The following CNIH4 variants were observed in gnomAD, a reference collection of about 807,000 sequenced individuals.
CNIH4 encodes the protein protein cornichon homolog 4.
Under a neutral mutation model 21.5 loss-of-function variants are expected in CNIH4, and 9 were observed. That is an observed-to-expected ratio of 0.42 (90% CI 0.25 to 0.73). The LOEUF is 0.73. Ranked by LOEUF, CNIH4 falls within the 30% of genes least tolerant of loss-of-function variation. CNIH4 has a pLI of 0.27. For missense variants in CNIH4, 159 were observed against 170.0 expected, an observed-to-expected ratio of 0.94 and a Z score of 0.36; for synonymous variants, 67 against 59.1, an observed-to-expected ratio of 1.13 and a Z score of -0.61.
chr1:224,363,078 CTTG>C (rs1305738506), intron 2 of CNIH4, among the ~76,000 whole-genome samples: 1 of 151,320 alleles, frequency 6.6e-6, no homozygotes, highest in African/African-American at 2.4e-5. Context: ...GAGTTTTGCA[CTTG>C]TTGTCTAGGC....
chr1:224,379,168 C>T lies in CNIH4; in HGVS notation c.*3346C>T. ...CAGTTCATCAAAGCCTAGCAGGTCC[C>T]CTCAGCTGCCTTTTCATGCCTGCCA... On this transcript the variant is annotated 3_prime_UTR_variant, in exon 5 of 5. Transcript: ENST00000465271. The T allele has an allele frequency of 6.9e-7, 1 of 1,449,658 alleles. No homozygotes were observed. The highest frequency in any genetic ancestry group is 9.5e-7 in the Non-Finnish European group (1 of 1,055,432). The allele number at this position is 1,449,658 out of a possible 1,614,324, so 89.8% of individuals were successfully genotyped here. A position where few individuals can be genotyped will look rare whatever the true frequency, so the allele number is the denominator to read the frequency against.
In CNIH4 at chr1:224,376,700, T is replaced by A. The variant is rs748719936; in HGVS notation, c.*878T>A. 1.1e-5 allele frequency: 11 copies of A among 985,330 alleles called. No individual in the cohort carries two copies. The East Asian group carries it at 9.1e-4, about 81-fold the overall frequency. 61.0% of individuals were successfully genotyped at this position (985,330 alleles called of 1,614,324 possible). ...GGTGCCAGATCAACACTTCTATCCC[T>A]CTGCACTGACCACGTTGTGAACTGG... On this transcript the variant is annotated 3_prime_UTR_variant, in exon 5 of 5. Coordinates refer to ENST00000465271, the MANE Select transcript of CNIH4 (RefSeq NM_014184.4).
rs990470099 is a variant in CNIH4, at chr1:224,357,005, T to C, written c.69+12T>C. The stretch of plus-strand genomic sequence containing the variant: ...TCTCGGTCTACTTCGTATCCTTGCC[T>C]GAGGCAGGCGAACGCCTTGCCGGGG... On this transcript the variant is annotated intron_variant, in intron 1 of 4. Coordinates refer to ENST00000465271, the MANE Select transcript of CNIH4 (RefSeq NM_014184.4). 5.6e-6 allele frequency: 9 copies of C among 1,604,992 alleles called. No homozygotes were observed. Among genetic ancestry groups the C allele is most frequent in the Non-Finnish European group, 7.7e-6 (9 of 1,175,956 alleles).
At chr1:224,374,420 T>C (rs1275601407) in intron 4 of CNIH4, among the ~76,000 whole-genome samples, 2 of 145,426 alleles carry the variant, frequency 1.4e-5, no homozygotes, top group Non-Finnish European at 3.0e-5. Context: ...TTTCTTTTTT[T>C]TTTTTCTTTT....
intron 1 of CNIH4, among the ~76,000 whole-genome samples, chr1:224,359,350 G>A (rs758946346): frequency 1.1e-4 from 17 of 152,176 alleles, no homozygotes; most frequent in Non-Finnish European, 2.9e-5. Flanking sequence ...ATTTCAAATA[G>A]AGTGCTGGTT....
chr1:224,360,405 A>G (rs895546658), intron 1 of CNIH4, 90 bp from the exon 2 acceptor site: 18 of 632,120 alleles, frequency 2.8e-5, no homozygotes, highest in Non-Finnish European at 4.4e-5. Flanking sequence ...AGTCAAATCT[A>G]ATTCTGCCTT....
chr1:224,357,017 A>G, intron 1 of CNIH4, 24 bp downstream of exon 1: 1 of 1,598,576 alleles, frequency 6.3e-7, no homozygotes, highest in Non-Finnish European at 8.5e-7. Flanking sequence ...AGGCAGGCGA[A>G]CGCCTTGCCG....
In CNIH4 at chr1:224,375,868, G is replaced by A. The variant is rs1398970487; in HGVS notation, c.*46G>A. 1 of 1,609,390 alleles carries A rather than the reference G, an allele frequency of 6.2e-7. No individual in the cohort carries two copies. The highest frequency in any genetic ancestry group is 8.5e-7 in the Non-Finnish European group (1 of 1,177,548). On this transcript the variant is annotated 3_prime_UTR_variant, in exon 5 of 5. Transcript: ENST00000465271. ...AAGTCAGCCTACACTACAGTGCACA[G>A]TTGAGGAGCCAGAGACTTCTTAAAT... is the stretch of plus-strand genomic sequence containing the variant.
At chr1:224,361,157 C>A (rs143292442) in intron 2 of CNIH4, among the ~76,000 whole-genome samples, 2,131 of 148,556 alleles carry the variant, frequency 0.014, 58 homozygotes, top group African/African-American at 0.05. Flanking sequence ...ACTCTGTCAC[C>A]CAGGCCGGAG....
intron 3 of CNIH4, among the ~76,000 whole-genome samples, chr1:224,369,617 G>A (rs750727096): frequency 6.6e-6 from 1 of 151,124 alleles, no homozygotes; most frequent in Non-Finnish European, 1.5e-5. Flanking sequence ...TAACTGGATC[G>A]TTTGTAACAC....
At position 224,379,065 on chromosome 1, in the gene CNIH4, TCA is replaced by T; in HGVS notation, c.*3244_*3245del. 1 of 1,550,602 alleles carries T rather than the reference TCA, an allele frequency of 6.4e-7. No individual in the cohort carries two copies. The highest frequency in any genetic ancestry group is 8.7e-7 in the Non-Finnish European group (1 of 1,146,986). On this transcript the variant is annotated 3_prime_UTR_variant, in exon 5 of 5. Coordinates refer to ENST00000465271, the MANE Select transcript of CNIH4 (RefSeq NM_014184.4). ...CCCTTGCCTTTTTCCTTCTATCCTT[TCA>T]GTGGTAGCAACTGCCCTTGCTAATC...
At chr1:224,362,241 C>T (rs150926356) in intron 2 of CNIH4, among the ~76,000 whole-genome samples, 1,581 of 151,164 alleles carry the variant, frequency 0.01, 25 homozygotes, top group African/African-American at 0.036. Context: ...CCACCACGCC[C>T]GGCTAATTTT....
chr1:224,376,737 C>T lies in CNIH4; in HGVS notation c.*915C>T. The T allele has an allele frequency of 1.0e-6, 1 of 985,464 alleles. No individual in the cohort carries two copies. Among genetic ancestry groups the T allele is most frequent in the Non-Finnish European group, 1.2e-6 (1 of 829,956 alleles). The allele number at this position is 985,464 out of a possible 1,614,324, so 61.0% of individuals were successfully genotyped here. A position where few individuals can be genotyped will look rare whatever the true frequency, so the allele number is the denominator to read the frequency against. ...ACGTTGTGAACTGGGAGACCAAATGCAAGCCATTTCATGGACATAGCAATA... is the reference window on the plus strand; with the variant it reads ...ACGTTGTGAACTGGGAGACCAAATGTAAGCCATTTCATGGACATAGCAATA... On this transcript the variant is annotated 3_prime_UTR_variant, in exon 5 of 5. Coordinates refer to ENST00000465271, the MANE Select transcript of CNIH4 (RefSeq NM_014184.4).
intron 2 of CNIH4, among the ~76,000 whole-genome samples, chr1:224,362,088 T>A (rs1672303796): frequency 6.6e-6 from 1 of 151,422 alleles, no homozygotes; most frequent in Admixed American, 6.6e-5. Context: ...CCATGCCATT[T>A]TTTTTTTTTT....
chr1:224,371,673 T>C (rs1672634336), intron 4 of CNIH4, among the ~76,000 whole-genome samples: 1 of 152,204 alleles, frequency 6.6e-6, no homozygotes, highest in Admixed American at 6.5e-5. Context: ...CAGGGCACGG[T>C]GACTTACGCC....
intron 2 of CNIH4, among the ~76,000 whole-genome samples, chr1:224,364,831 G>A (rs1043344026): frequency 1.3e-5 from 2 of 151,948 alleles, no homozygotes; most frequent in African/African-American, 4.8e-5. Context: ...TACTCGGGAG[G>A]TTGAGGCAAG....
chr1:224,375,990 T>G lies in CNIH4; in HGVS notation c.*168T>G, dbSNP rs560529661. The G allele has an allele frequency of 7.7e-7, 1 of 1,290,504 alleles. No homozygotes were observed. Among genetic ancestry groups the G allele is most frequent in the African/African-American group, 1.5e-5 (1 of 66,334 alleles). 79.9% of individuals were successfully genotyped at this position (1,290,504 alleles called of 1,614,324 possible). On this transcript the variant is annotated 3_prime_UTR_variant, in exon 5 of 5. Transcript: ENST00000465271. ...TACCATATAAAGTATTTAAAAAACATGAATTGAGTTTCTGTAGATTTCTAG... is the reference window on the plus strand; with the variant it reads ...TACCATATAAAGTATTTAAAAAACAGGAATTGAGTTTCTGTAGATTTCTAG...
intron 2 of CNIH4, among the ~76,000 whole-genome samples, chr1:224,361,657 A>T (rs1672292219): frequency 6.6e-6 from 1 of 151,838 alleles, no homozygotes; most frequent in Non-Finnish European, 1.5e-5. Context: ...ATCATGGCTC[A>T]CTGCAGCCTT....
intron 2 of CNIH4, among the ~76,000 whole-genome samples, chr1:224,365,058 A>G (rs1164577365): frequency 2.6e-5 from 4 of 152,284 alleles, no homozygotes; most frequent in Middle Eastern, 3.4e-3. Context: ...GGCTTACACT[A>G]TATTGCTCTG....
Sources: allele counts gnomAD v4.1 joint callset (sites outside exome capture counted in the v4.1 genomes callset), GRCh38; gene constraint gnomAD v4.1.1; transcripts MANE v1.5; gene names NCBI Gene and HGNC (gene_info 2026-07-23, HGNC 2026-07-21).